RBFOX1: variants seen among roughly 807,000 people sequenced by gnomAD.
RBFOX1 encodes RNA binding protein fox-1 homolog 1.
RBFOX1 carries 8 observed loss-of-function variants against 57.7 expected under a neutral mutation model. The ratio of observed to expected loss-of-function variants is 0.14; its 90% confidence interval spans 0.08 to 0.25. RBFOX1 has a LOEUF of 0.25. RBFOX1 is among the 10% of genes least tolerant of loss of function. The pLI is 1.00. For synonymous variants in RBFOX1, 326 were observed against 222.4 expected (o/e 1.47, Z -4.15); for missense variants, 611 against 548.5 (o/e 1.11, Z -1.14).
intron 4 of RBFOX1, among the ~76,000 whole-genome samples, chr16:7,309,614 G>T (rs1012935693): frequency 2.0e-5 from 3 of 152,270 alleles, no homozygotes; most frequent in African/African-American, 7.2e-5. Context: ...TGGACTGAGG[G>T]TAGACAGTCT....
intron 2 of RBFOX1, among the ~76,000 whole-genome samples, chr16:6,547,559 G>A (rs2096913508): frequency 6.6e-6 from 1 of 152,064 alleles, no homozygotes; most frequent in Non-Finnish European, 1.5e-5. Context: ...TCTTCCTCCT[G>A]GAAGTCAGGC....
intron 10 of RBFOX1, among the ~76,000 whole-genome samples, chr16:7,628,288 C>G (rs2060391943): frequency 1.3e-5 from 2 of 152,008 alleles, no homozygotes; most frequent in African/African-American, 4.8e-5. Flanking sequence ...TTGCTAGGAT[C>G]CTATCGTAGA....
chr16:7,082,227 C>A (rs951289179), intron 4 of RBFOX1, among the ~76,000 whole-genome samples: 1 of 152,118 alleles, frequency 6.6e-6, no homozygotes, highest in Non-Finnish European at 1.5e-5. Context: ...AATCTACCTT[C>A]TCAGGAGCTT....
intron 1 of RBFOX1, among the ~76,000 whole-genome samples, chr16:6,227,021 G>A (rs1002350341): frequency 1.3e-4 from 20 of 151,888 alleles, no homozygotes; most frequent in Non-Finnish European, 2.4e-4. Flanking sequence ...CTACTTGGGA[G>A]GCTGAGGCAG....
At chr16:5,714,103 C>T (rs558940521) in intron 3 of RBFOX1, among the ~76,000 whole-genome samples, 1 of 152,326 alleles carries the variant, frequency 6.6e-6, no homozygotes, top group East Asian at 1.9e-4. Flanking sequence ...CACAGAAGAG[C>T]TAGGGACTAT....
intron 4 of RBFOX1, among the ~76,000 whole-genome samples, chr16:5,989,661 G>A (rs2060352614): frequency 6.6e-6 from 1 of 151,966 alleles, no homozygotes; most frequent in Non-Finnish European, 1.5e-5. Context: ...ATAAAGGGCG[G>A]TGGCTTCCAT....
At chr16:5,988,452 C>G (rs546955332) in intron 4 of RBFOX1, among the ~76,000 whole-genome samples, 2 of 152,192 alleles carry the variant, frequency 1.3e-5, no homozygotes, top group Non-Finnish European at 2.9e-5. Flanking sequence ...CAGGTGCTCT[C>G]TGATTGGGAT....
At chr16:6,633,502 C>T (rs563244417) in intron 2 of RBFOX1, among the ~76,000 whole-genome samples, 14 of 152,164 alleles carry the variant, frequency 9.2e-5, no homozygotes, top group African/African-American at 3.4e-4. Flanking sequence ...CCATGTTGAG[C>T]CGGCTGATCT....
At chr16:6,694,428 C>T (rs945011708) in intron 3 of RBFOX1, among the ~76,000 whole-genome samples, 1 of 152,164 alleles carries the variant, frequency 6.6e-6, no homozygotes, top group Non-Finnish European at 1.5e-5. Context: ...TTGGTCTTAC[C>T]ATGTGAACAT....
intron 4 of RBFOX1, among the ~76,000 whole-genome samples, chr16:7,444,961 A>G (rs2098797078): frequency 6.6e-6 from 1 of 152,160 alleles, no homozygotes; most frequent in African/African-American, 2.4e-5. Context: ...GGTGTGTCAT[A>G]TGAAGAACAT....
intron 3 of RBFOX1, among the ~76,000 whole-genome samples, chr16:6,888,861 C>G (rs893697908): frequency 2.0e-5 from 3 of 152,170 alleles, no homozygotes; most frequent in African/African-American, 7.2e-5. Flanking sequence ...ATTCATCCCT[C>G]TTTATCCCCT....
intron 4 of RBFOX1, among the ~76,000 whole-genome samples, chr16:7,437,435 A>G (rs2098731894): frequency 6.6e-6 from 1 of 152,106 alleles, no homozygotes; most frequent in African/African-American, 2.4e-5. Context: ...AATAGAGACA[A>G]AAGGACACTG....
At chr16:5,829,493 G>C (rs1043132089) in intron 3 of RBFOX1, among the ~76,000 whole-genome samples, 2 of 152,084 alleles carry the variant, frequency 1.3e-5, no homozygotes, top group African/African-American at 2.4e-5. Context: ...GGGAGGAGGA[G>C]GGTGCCTTTT....
intron 2 of RBFOX1, among the ~76,000 whole-genome samples, chr16:6,402,921 T>G (rs2093133393): frequency 6.6e-6 from 1 of 152,216 alleles, no homozygotes; most frequent in Non-Finnish European, 1.5e-5. Context: ...AATCAAAGCT[T>G]CAGTAGACAT....
intron 2 of RBFOX1, among the ~76,000 whole-genome samples, chr16:6,443,972 G>T (rs2094437643): frequency 6.6e-6 from 1 of 152,102 alleles, no homozygotes; most frequent in Non-Finnish European, 1.5e-5. Context: ...TACTCAGGAA[G>T]GCCACTGTCT....
intron 3 of RBFOX1, among the ~76,000 whole-genome samples, chr16:6,734,692 A>T (rs143821729): frequency 2.0e-5 from 3 of 152,270 alleles, no homozygotes; most frequent in African/African-American, 7.2e-5. Flanking sequence ...TTTGTGAGGG[A>T]AGAGTCAGAA....
In RBFOX1 at chr16:5,911,814, T is replaced by A. The variant is rs547195436; in HGVS notation, c.351+44479T>A. 1.2e-3 allele frequency among the ~76,000 whole-genome samples: 183 copies of A among 152,208 alleles called. 1 individual carries two copies. In the South Asian group the frequency reaches 0.037, roughly 30 times the overall value. On this transcript the variant is annotated intron_variant, in intron 4 of 19. Coordinates refer to the RBFOX1 transcript ENST00000641259. ...AGGGGAAGGGGAGCTCTCTAGGACT[T>A]CTTTTATAAGGCCACTCATCTCAAC...
At chr16:5,933,159 A>C (rs1158431103) in intron 4 of RBFOX1, among the ~76,000 whole-genome samples, 24 of 152,158 alleles carry the variant, frequency 1.6e-4, no homozygotes. Flanking sequence ...GAGCTGATAG[A>C]AATAATTTCC....
At chr16:7,420,216 C>T (rs937531522) in intron 4 of RBFOX1, among the ~76,000 whole-genome samples, 4 of 152,050 alleles carry the variant, frequency 2.6e-5, no homozygotes, top group Middle Eastern at 3.2e-3. Flanking sequence ...TGACCTATTC[C>T]GTAGAGTGTG....
Sources: gnomAD v4.1 joint callset for allele counts (sites outside exome capture counted in the v4.1 genomes callset) on GRCh38, gnomAD v4.1.1 for gene constraint, MANE v1.5 for transcripts, NCBI Gene and HGNC (gene_info 2026-07-23, HGNC 2026-07-21) for gene names.